Variants in GPAT3 observed in about 807,000 individuals in gnomAD.
GPAT3 encodes glycerol-3-phosphate acyltransferase 3, also known as 1-AGP acyltransferase 9.
A neutral mutation model predicts 58.8 loss-of-function variants in GPAT3; 53 were observed. The ratio of observed to expected loss-of-function variants is 0.90; its 90% CI spans 0.72 to 1.13. The LOEUF is 1.13. Among genes scored for constraint, GPAT3 ranks in the 50% most tolerant of loss-of-function variants. The pLI is 0.00. For missense variants in GPAT3, 511 were observed against 527.6 expected (o/e 0.97, Z 0.31); for synonymous variants, 197 against 187.4 (o/e 1.05, Z -0.42).
intron 7 of GPAT3, 53 bp from the exon 8 acceptor site, chr4:83,596,805 C>A: frequency 2.2e-6 from 3 of 1,388,254 alleles, no homozygotes; most frequent in Non-Finnish European, 3.1e-6. Context: ...TCAAAAAGGA[C>A]ATCCACCTCT....
At chr4:83,550,393 A>C (rs1295421409) in intron 2 of GPAT3, among the ~76,000 whole-genome samples, 2 of 151,994 alleles carry the variant, frequency 1.3e-5, no homozygotes, top group Non-Finnish European at 2.9e-5. Context: ...CCTATTTGTG[A>C]ATATTGTGTC....
At chr4:83,570,471 CTTTTTTT>C (rs11417042) in intron 2 of GPAT3, among the ~76,000 whole-genome samples, 1 of 126,670 alleles carries the variant, frequency 7.9e-6, no homozygotes. Flanking sequence ...TGGGAGAACT[CTTTTTTT>C]TTTTTTTTTT....
intron 2 of GPAT3, among the ~76,000 whole-genome samples, chr4:83,565,105 T>G (rs889860127): frequency 2.6e-5 from 4 of 151,972 alleles, no homozygotes; most frequent in Non-Finnish European, 5.9e-5. Flanking sequence ...TTTATTTATT[T>G]ATTTTATTTT....
chr4:83,547,362 C>G (rs1724570532), intron 2 of GPAT3, among the ~76,000 whole-genome samples: 1 of 149,346 alleles, frequency 6.7e-6, no homozygotes, highest in Non-Finnish European at 1.5e-5. Flanking sequence ...ACGCCATTCT[C>G]CTGCCTCAGC....
At chr4:83,600,208 G>GCT (rs888916113) in intron 11 of GPAT3, among the ~76,000 whole-genome samples, 16 of 152,254 alleles carry the variant, frequency 1.1e-4, no homozygotes, top group Admixed American at 2.0e-4. Context: ...TTTGATAAGG[G>GCT]CTCTCCTCTT....
At position 83,588,242 on chromosome 4, in the gene GPAT3, T is replaced by G. The variant is rs1401279508; in HGVS notation, c.587T>G (p.Leu196Arg). The G allele has an allele frequency of 9.9e-6, 16 of 1,613,944 alleles. No individual in the cohort carries two copies. The highest frequency in any genetic ancestry group is 1.4e-5 in the Non-Finnish European group (16 of 1,179,954). The change falls in exon 5 of 12, where the codon CTG (leucine) becomes CGG (arginine). Residue 196 changes from leucine to arginine, a missense_variant. Coordinates refer to ENST00000264409, the MANE Select transcript of GPAT3 (RefSeq NM_032717.5). Reference sequence around the variant, plus strand: ...AACTGGCTGAGTGAACTGGTCCATCTGACTTGCTGCCGGATCTGTGTGCGA... The same window carrying G: ...AACTGGCTGAGTGAACTGGTCCATCGGACTTGCTGCCGGATCTGTGTGCGA... ...LKNWLSELVHLTCCRICVRAL... is the reference protein window; with the variant it reads ...LKNWLSELVHRTCCRICVRAL...
chr4:83,600,003 CTCTT>C (rs544927974), intron 11 of GPAT3, among the ~76,000 whole-genome samples: 15 of 152,298 alleles, frequency 9.8e-5, no homozygotes, highest in Non-Finnish European at 1.8e-4. Flanking sequence ...TGTGGTCTCT[CTCTT>C]TCTCAAAATA....
intron 2 of GPAT3, among the ~76,000 whole-genome samples, chr4:83,554,885 C>A (rs1388261528): frequency 6.7e-6 from 1 of 148,958 alleles, no homozygotes; most frequent in African/African-American, 2.5e-5. Flanking sequence ...ATCACTGCAA[C>A]CTTTGCCTCC....
intron 2 of GPAT3, among the ~76,000 whole-genome samples, chr4:83,552,722 T>C (rs1724799970): frequency 6.6e-6 from 1 of 152,232 alleles, no homozygotes; most frequent in African/African-American, 2.4e-5. Context: ...GAGACTGGCA[T>C]ATAACTGTGC....
In GPAT3 at chr4:83,592,552, T is replaced by C. The variant is rs149781097; in HGVS notation, c.738+2260T>C. On this transcript the variant is annotated intron_variant, in intron 6 of 11. Coordinates refer to ENST00000264409, the MANE Select transcript of GPAT3 (RefSeq NM_032717.5). ...CAGATGTTTTGATAGATGTATACATTGTAGAATGGCTAAATCAAGCTAATT... is the reference window on the plus strand; with the variant it reads ...CAGATGTTTTGATAGATGTATACATCGTAGAATGGCTAAATCAAGCTAATT... 1.1e-3 allele frequency among the ~76,000 whole-genome samples: 166 copies of C among 152,348 alleles called. 1 individual carries two copies. The highest frequency in any genetic ancestry group is 3.8e-3 in the African/African-American group (157 of 41,578).
At chr4:83,598,750 A>G (rs780232119) in intron 11 of GPAT3, 27 bp downstream of exon 11, 1 of 256,746 alleles carries the variant, frequency 3.9e-6, no homozygotes, top group Non-Finnish European at 6.2e-6. Context: ...AAGTACTATC[A>G]CTTTTTTTTT....
intron 1 of GPAT3, among the ~76,000 whole-genome samples, chr4:83,538,126 G>T (rs1724170687): frequency 6.6e-6 from 1 of 152,152 alleles, no homozygotes. Flanking sequence ...TCTGCCCTTA[G>T]GACGTGGCTT....
chr4:83,548,899 G>A (rs1047133291), intron 2 of GPAT3, among the ~76,000 whole-genome samples: 3 of 152,114 alleles, frequency 2.0e-5, no homozygotes, highest in African/African-American at 7.2e-5. Flanking sequence ...GAGAATTCAG[G>A]TTGCCTAACA....
chr4:83,588,170 T>G (rs753515044), intron 4 of GPAT3, 40 bp from the exon 5 acceptor site: 1 of 1,565,478 alleles, frequency 6.4e-7, no homozygotes, highest in South Asian at 1.1e-5. Context: ...TTCTTAAGAG[T>G]GCCCAGAATG....
intron 11 of GPAT3, among the ~76,000 whole-genome samples, 154 bp from the exon 12 acceptor site, chr4:83,604,513 AC>A (rs1727183542): frequency 6.6e-6 from 1 of 152,276 alleles, no homozygotes; most frequent in East Asian, 1.9e-4. Flanking sequence ...AGAAACTGAA[AC>A]CTGGGTCTTC....
chr4:83,581,194 A>T (rs1726110580), intron 2 of GPAT3, among the ~76,000 whole-genome samples: 1 of 150,606 alleles, frequency 6.6e-6, no homozygotes, highest in South Asian at 2.1e-4. Flanking sequence ...TTTGTCAGGG[A>T]GAACAGAAGT....
chr4:83,570,228 C>T (rs1725552512), intron 2 of GPAT3, among the ~76,000 whole-genome samples: 1 of 152,194 alleles, frequency 6.6e-6, no homozygotes, highest in South Asian at 2.1e-4. Context: ...AGGCAAGTTA[C>T]TCAACCCCTC....
Position 83,587,328 on chromosome 4 carries a change from A to G in GPAT3, c.553A>G (p.Ser185Gly). Reference sequence around the variant, plus strand: ...ACTGGTTGGGCAGCTGCCAGACAGCAGGTGAAATGTTTCCTTCCATCCAGC... The same window carrying G: ...ACTGGTTGGGCAGCTGCCAGACAGCGGGTGAAATGTTTCCTTCCATCCAGC... ...TTLVGQLPDS[S>G]LKNWLSELVH... Residue 185 changes from serine (S) to glycine (G), a missense_variant and splice_region_variant, in exon 4 of 12, where the codon AGC becomes GGC. Coordinates refer to ENST00000264409, the MANE Select transcript of GPAT3 (RefSeq NM_032717.5). 1.2e-6 allele frequency: 2 copies of G among 1,612,874 alleles called. No individual in the cohort carries two copies. Among genetic ancestry groups the G allele is most frequent in the Non-Finnish European group, 1.7e-6 (2 of 1,179,206 alleles).
At chr4:83,578,272 TGGAAATTAATCCTTTG>T (rs1188708399) in intron 2 of GPAT3, among the ~76,000 whole-genome samples, 2 of 152,252 alleles carry the variant, frequency 1.3e-5, no homozygotes, top group Non-Finnish European at 2.9e-5. Flanking sequence ...TAATATATTC[TGGAAATTAATCCTTTG>T]GGAAATTAAT....
Sources: allele counts gnomAD v4.1 joint callset (sites outside exome capture counted in the v4.1 genomes callset), GRCh38; gene constraint gnomAD v4.1.1; transcripts MANE v1.5; gene names NCBI Gene and HGNC (gene_info 2026-07-23, HGNC 2026-07-21).